The following ARHGEF26 variants were observed in gnomAD, a reference collection of about 807,000 sequenced individuals.
The protein encoded by ARHGEF26 is Rho guanine nucleotide exchange factor (GEF) 26.
Under a neutral mutation model 89.4 loss-of-function variants are expected in ARHGEF26, and 59 were observed. The ratio of observed to expected loss-of-function variants is 0.66; its 90% confidence interval spans 0.54 to 0.82. ARHGEF26 has a LOEUF of 0.82. ARHGEF26 is among the 40% of genes least tolerant of loss of function. The pLI, the probability that ARHGEF26 is intolerant of heterozygous loss-of-function variation, is 0.00. For synonymous variants in ARHGEF26, 500 were observed against 428.4 expected, an observed-to-expected ratio of 1.17 and a Z score of -2.06; for missense variants, 1,234 against 1,085.6, an observed-to-expected ratio of 1.14 and a Z score of -1.92.
chr3:154,249,974 T>C (rs16823821), intron 12 of ARHGEF26, among the ~76,000 whole-genome samples: 1,725 of 152,298 alleles, frequency 0.011, 22 homozygotes, highest in African/African-American at 0.04. Flanking sequence ...TTATAACAAC[T>C]TAGTTCCTGC....
In ARHGEF26 at chr3:154,186,886, C is replaced by CTTTTTTTTTTTTTTTTTTTTTTT. The variant is rs201150057; in HGVS notation, c.1488-793_1488-771dup. 6.1e-5 allele frequency among the ~76,000 whole-genome samples: 5 copies of CTTTTTTTTTTTTTTTTTTTTTTT among 82,042 alleles called. 1 individual carries two copies. The highest frequency in any genetic ancestry group is 2.4e-4 in the African/African-American group (5 of 21,132). 53.8% of individuals were successfully genotyped at this position (82,042 alleles called of 152,430 possible). ...CATATACTGTTAGATTTATTTCAGA[C>CTTTTTTTTTTTTTTTTTTTTTTT]TTTTTTTTTTTTTTTTTTTTTTTTT... is the stretch of plus-strand genomic sequence containing the variant. On this transcript the variant is annotated intron_variant, in intron 6 of 14. Coordinates refer to ENST00000465093, the MANE Select transcript of ARHGEF26 (RefSeq NM_015595.4).
At position 154,135,040 on chromosome 3, in the gene ARHGEF26, T is replaced by G. The variant is rs114274669; in HGVS notation, c.1269+5321T>G. On this transcript the variant is annotated intron_variant, in intron 4 of 14. Coordinates refer to ENST00000465093, the MANE Select transcript of ARHGEF26 (RefSeq NM_015595.4). ...TTAAGGATATTGGCTTGAAGTTTTT[T>G]TCTTTTGTTGTTGTATCTCTGCCAG... Among the ~76,000 whole-genome samples the G allele has an allele frequency of 8.9e-3, 1,354 of 152,290 alleles. 4 individuals carry two copies. Among genetic ancestry groups the G allele is most frequent in the Non-Finnish European group, 0.016 (1,072 of 68,022 alleles).
chr3:154,159,750 T>C (rs961518705), intron 6 of ARHGEF26, among the ~76,000 whole-genome samples: 20 of 152,274 alleles, frequency 1.3e-4, no homozygotes, highest in African/African-American at 4.1e-4. Flanking sequence ...TAAACTTTAA[T>C]GCATAAGCAA....
intron 6 of ARHGEF26, among the ~76,000 whole-genome samples, chr3:154,164,042 A>G (rs1711830316): frequency 1.3e-5 from 2 of 152,272 alleles, no homozygotes; most frequent in South Asian, 4.1e-4. Flanking sequence ...AACTTAATTC[A>G]GGTTGTAATT....
At chr3:154,150,738 T>C (rs1719972083) in intron 5 of ARHGEF26, among the ~76,000 whole-genome samples, 1 of 152,156 alleles carries the variant, frequency 6.6e-6, no homozygotes, top group African/African-American at 2.4e-5. Flanking sequence ...TCCTCCAAGA[T>C]ATTAATCCCA....
chr3:154,121,754 G>C (rs1214759711), intron 1 of ARHGEF26, among the ~76,000 whole-genome samples, 188 bp from the exon 2 acceptor site: 3 of 152,176 alleles, frequency 2.0e-5, no homozygotes, highest in Non-Finnish European at 4.4e-5. Context: ...CCGCCTGGGC[G>C]GCAGCCCAGA....
At chr3:154,217,620 T>A (rs541184624) in intron 9 of ARHGEF26, among the ~76,000 whole-genome samples, 6 of 152,234 alleles carry the variant, frequency 3.9e-5, no homozygotes, top group Admixed American at 1.3e-4. Flanking sequence ...TGCTCTGATT[T>A]GGAAGAAGGG....
At chr3:154,125,556 T>C (rs374841608) in intron 3 of ARHGEF26, among the ~76,000 whole-genome samples, 1 of 152,336 alleles carries the variant, frequency 6.6e-6, no homozygotes. Flanking sequence ...GCACTCTGAC[T>C]ATGAAGTGAA....
At chr3:154,125,962 C>T (rs949904220) in intron 3 of ARHGEF26, among the ~76,000 whole-genome samples, 3 of 152,122 alleles carry the variant, frequency 2.0e-5, no homozygotes, top group Admixed American at 1.3e-4. Flanking sequence ...CTGAGAAAAA[C>T]CCTTAATATC....
At chr3:154,216,509 A>ATTTTTT (rs1273722931) in intron 9 of ARHGEF26, among the ~76,000 whole-genome samples, 39 of 26,282 alleles carry the variant, frequency 1.5e-3, no homozygotes, top group Non-Finnish European at 2.6e-3. Flanking sequence ...TTTATTTTTT[A>ATTTTTT]TTTTTTTTTT....
chr3:154,208,949 T>G (rs1715200775), intron 9 of ARHGEF26, among the ~76,000 whole-genome samples: 1 of 151,806 alleles, frequency 6.6e-6, no homozygotes, highest in Admixed American at 6.6e-5. Context: ...GTATTTTTAG[T>G]GGAGACGGGG....
chr3:154,201,097 C>T (rs1714602400), intron 9 of ARHGEF26, among the ~76,000 whole-genome samples: 1 of 151,980 alleles, frequency 6.6e-6, no homozygotes, highest in Non-Finnish European at 1.5e-5. Context: ...TGGTGTGCTG[C>T]ACCCATTAAC....
intron 10 of ARHGEF26, 181 bp from the exon 11 acceptor site, chr3:154,225,675 A>G (rs917713301): frequency 4.0e-6 from 2 of 495,876 alleles, no homozygotes; most frequent in Admixed American, 8.5e-5. Context: ...GTTCTTTTTC[A>G]TTTTTTCTTG....
At chr3:154,162,298 G>T (rs182181587) in intron 6 of ARHGEF26, among the ~76,000 whole-genome samples, 1 of 152,286 alleles carries the variant, frequency 6.6e-6, no homozygotes, top group East Asian at 1.9e-4. Flanking sequence ...GCTAGCACTT[G>T]ATTTAAGTGG....
intron 9 of ARHGEF26, among the ~76,000 whole-genome samples, chr3:154,197,016 C>G (rs1714334058): frequency 6.6e-6 from 1 of 152,052 alleles, no homozygotes; most frequent in Non-Finnish European, 1.5e-5. Flanking sequence ...TTACTACATT[C>G]CTTCAGGCAT....
intron 4 of ARHGEF26, among the ~76,000 whole-genome samples, chr3:154,138,106 A>T (rs962344063): frequency 6.6e-6 from 1 of 152,238 alleles, no homozygotes; most frequent in South Asian, 2.1e-4. Context: ...ACAGTGTTAT[A>T]ACTGCATTAA....
chr3:154,241,628 C>T lies in ARHGEF26; in HGVS notation c.2300+1049C>T, dbSNP rs150084482. Among the ~76,000 whole-genome samples the T allele has an allele frequency of 9.2e-3, 1,398 of 152,300 alleles. 11 individuals are homozygous for T. The highest frequency in any genetic ancestry group is 0.016 in the Non-Finnish European group (1,057 of 68,022). On this transcript the variant is annotated intron_variant, in intron 12 of 14. Transcript: ENST00000465093. ...ACAGGCGTAAGGACCATTGCAGCAA[C>T]GTCTCCAGTAGGGGAGAGAGATTGG...
intron 4 of ARHGEF26, among the ~76,000 whole-genome samples, chr3:154,130,982 A>G (rs1234335819): frequency 6.6e-6 from 1 of 152,186 alleles, no homozygotes; most frequent in Non-Finnish European, 1.5e-5. Context: ...TCTAACCTGT[A>G]TTGGAATTCA....
chr3:154,250,186 C>T (rs564349079), intron 12 of ARHGEF26, among the ~76,000 whole-genome samples: 3 of 152,250 alleles, frequency 2.0e-5, no homozygotes, highest in Non-Finnish European at 2.9e-5. Context: ...TGCACCACCA[C>T]GCCCAGCTAA....
Sources: allele counts gnomAD v4.1 joint callset (sites outside exome capture counted in the v4.1 genomes callset), GRCh38; gene constraint gnomAD v4.1.1; transcripts MANE v1.5; gene names NCBI Gene and HGNC (gene_info 2026-07-23, HGNC 2026-07-21).